RASA3: variants seen among roughly 807,000 people sequenced by gnomAD.
The protein encoded by RASA3 is ras GTPase-activating protein 3.
RASA3 carries 73 observed loss-of-function variants against 110.0 expected under a neutral mutation model. That is an observed-to-expected ratio of 0.66 (90% CI 0.55 to 0.81). The LOEUF is 0.81. Ranked by LOEUF, RASA3 falls within the 30% of genes least tolerant of loss-of-function variation. The probability of loss-of-function intolerance (pLI) is 0.00; values close to 1 mark genes in which losing one functional copy is unlikely to be tolerated. For missense variants in RASA3, 976 were observed against 1,113.2 expected, an observed-to-expected ratio of 0.88 and a Z score of 1.75; for synonymous variants, 500 against 451.4, an observed-to-expected ratio of 1.11 and a Z score of -1.37.
chr13:114,077,278 C>T (rs1021161161), intron 1 of RASA3, among the ~76,000 whole-genome samples: 9 of 152,192 alleles, frequency 5.9e-5, no homozygotes, highest in Admixed American at 5.9e-4. Flanking sequence ...GCCAACACAC[C>T]AGATTCATCC....
At position 114,112,571 on chromosome 13, in the gene RASA3, C is replaced by T. The variant is rs557667443; in HGVS notation, c.55+19864G>A. ...GCCTCGAGCACTTCACACGCGTGCC[C>T]GGGGATGCTGGTGCTGCAGGTATGG... is the stretch of plus-strand genomic sequence containing the variant. On this transcript the variant is annotated intron_variant, in intron 1 of 23. Transcript: ENST00000334062. The surrounding 1 kb of genome is among the most constrained non-coding windows in gnomAD (Gnocchi z 4.8). 3.3e-5 allele frequency among the ~76,000 whole-genome samples: 5 copies of T among 152,206 alleles called. No individual in the cohort carries two copies. Among genetic ancestry groups the T allele is most frequent in the African/African-American group, 7.2e-5 (3 of 41,548 alleles).
Position 113,979,371 on chromosome 13 carries a change from G to C in RASA3, c.2481C>G (p.Ser827=). ...TTTAAATGGAATGAGTGGAGGTCTC[G>C]GACTGCTGCCGGATGTAGTTCTGGA... is the stretch of plus-strand genomic sequence containing the variant. ...KSFQNYIRQQ[S]ETSTHSI Residue 827 remains serine (S), a synonymous_variant, in exon 24 of 24, where the codon TCC becomes TCG. Transcript: ENST00000334062. The C allele has an allele frequency of 6.2e-7, 1 of 1,606,642 alleles. No individual in the cohort carries two copies.
rs547625640 is a variant in RASA3, at chr13:114,117,994, G to A, written c.55+14441C>T. 2.6e-5 allele frequency among the ~76,000 whole-genome samples: 4 copies of A among 152,014 alleles called. No homozygotes were observed. The East Asian group carries it at 7.7e-4, about 29-fold the overall frequency. ...GCACCTGTGTGCACATGTGGATGTT[G>A]CCGTGTGCACGTGTGCACACCAAGT... On this transcript the variant is annotated intron_variant, in intron 1 of 23. Transcript: ENST00000334062.
intron 2 of RASA3, among the ~76,000 whole-genome samples, chr13:114,054,321 C>T (rs2079200829): frequency 6.6e-6 from 1 of 152,094 alleles, no homozygotes; most frequent in African/African-American, 2.4e-5. Context: ...GACAAATGGC[C>T]AACAATGTAT....
rs528249597 is a variant in RASA3 at position 114,083,183 on chromosome 13, G to A, written c.56-9346C>T. Among the ~76,000 whole-genome samples the A allele has an allele frequency of 6.6e-5, 10 of 152,382 alleles. 1 individual carries two copies. Among genetic ancestry groups the A allele is most frequent in the Middle Eastern group, 3.4e-3 (1 of 294 alleles). On this transcript the variant is annotated intron_variant, in intron 1 of 23. Transcript: ENST00000334062. Reference sequence around the variant, plus strand: ...CACAAGCAACTTTGTTGAATCAGGTGAAGTTTTAAATGCCAGAAAAACATT... The same window carrying A: ...CACAAGCAACTTTGTTGAATCAGGTAAAGTTTTAAATGCCAGAAAAACATT...
At chr13:114,013,520 T>C (rs1204689458) in intron 14 of RASA3, among the ~76,000 whole-genome samples, 5 of 148,238 alleles carry the variant, frequency 3.4e-5, no homozygotes, top group African/African-American at 1.3e-4. Context: ...TTTGTCTCTC[T>C]CTCATCTCTC....
chr13:114,124,825 A>G (rs1294780525), intron 1 of RASA3, among the ~76,000 whole-genome samples: 3 of 152,230 alleles, frequency 2.0e-5, no homozygotes, highest in African/African-American at 4.8e-5. Flanking sequence ...CACAGCCGAC[A>G]CTGTTCTTGC....
At chr13:114,010,958 C>T (rs1279163053) in intron 16 of RASA3, among the ~76,000 whole-genome samples, 3 of 151,272 alleles carry the variant, frequency 2.0e-5, no homozygotes, top group South Asian at 2.1e-4. Flanking sequence ...CACAGGCTCC[C>T]GAAAAAGGCA....
intron 2 of RASA3, among the ~76,000 whole-genome samples, chr13:114,071,178 T>C (rs12873177): frequency 0.46 from 70,684 of 152,126 alleles, 16,529 homozygotes; most frequent in East Asian, 0.56. Flanking sequence ...AGTGCAGTGA[T>C]GTAATCATGG....
intron 1 of RASA3, among the ~76,000 whole-genome samples, chr13:114,119,903 CCCT>C (rs1159165397): frequency 5.1e-5 from 3 of 59,322 alleles, no homozygotes; most frequent in African/African-American, 6.0e-5. Context: ...ATCAGGGCCC[CCCT>C]CCCCTCTCCA....
intron 1 of RASA3, among the ~76,000 whole-genome samples, chr13:114,127,781 T>C (rs1357609998): frequency 6.6e-6 from 1 of 152,016 alleles, no homozygotes; most frequent in Non-Finnish European, 1.5e-5. Context: ...CAATACTAAG[T>C]GGTGAGGAGA....
intron 1 of RASA3, among the ~76,000 whole-genome samples, chr13:114,079,529 T>C (rs2079747239): frequency 6.6e-6 from 1 of 152,178 alleles, no homozygotes; most frequent in South Asian, 2.1e-4. Context: ...ACCGGAACAA[T>C]AGTCTTGTGA....
chr13:114,013,480 C>T (rs1037292679), intron 14 of RASA3, among the ~76,000 whole-genome samples: 8 of 136,488 alleles, frequency 5.9e-5, no homozygotes, highest in South Asian at 2.5e-4. Context: ...TGTCTCTCTC[C>T]GTATCTCTGT....
chr13:114,025,119 C>T (rs2054003854), intron 7 of RASA3, among the ~76,000 whole-genome samples: 1 of 152,244 alleles, frequency 6.6e-6, no homozygotes, highest in Non-Finnish European at 1.5e-5. Context: ...GCCCGGCCTC[C>T]CTCCCTGCCC....
At chr13:114,025,178 C>T (rs1225793128) in intron 7 of RASA3, among the ~76,000 whole-genome samples, 1 of 152,234 alleles carries the variant, frequency 6.6e-6, no homozygotes, top group South Asian at 2.1e-4. Context: ...GCTCTCAGCT[C>T]GAAGTTCTGA....
At chr13:114,034,498 T>C (rs2054243580) in intron 4 of RASA3, among the ~76,000 whole-genome samples, 1 of 152,198 alleles carries the variant, frequency 6.6e-6, no homozygotes, top group Non-Finnish European at 1.5e-5. Flanking sequence ...CAGGGGCACC[T>C]GGCTGGTCAC....
chr13:114,039,591 C>T (rs2054354447), intron 4 of RASA3, among the ~76,000 whole-genome samples: 1 of 152,246 alleles, frequency 6.6e-6, no homozygotes, highest in Non-Finnish European at 1.5e-5. Flanking sequence ...GTGCCTCTTG[C>T]TTGTGGCCTT....
chr13:114,015,220 T>C lies in RASA3; in HGVS notation c.1394A>G (p.Lys465Arg), dbSNP rs2053761304. The change falls in exon 14 of 24, where the codon AAG becomes AGG. Residue 465 changes from lysine to arginine, a missense_variant. Transcript: ENST00000334062. ...TTCAGGGCACTCACCCTGGAAGCGCTTGGCCGCCGCCTCCCGGAGGGAGAA... is the reference window on the plus strand; with the variant it reads ...TTCAGGGCACTCACCCTGGAAGCGCCTGGCCGCCGCCTCCCGGAGGGAGAA... Reference protein sequence around the residue: ...IFFSLREAAAKRFQDDPDVRY... With the variant: ...IFFSLREAAARRFQDDPDVRY... The C allele has an allele frequency of 6.2e-7, 1 of 1,612,914 alleles. No homozygotes were observed. The highest frequency in any genetic ancestry group is 1.1e-5 in the South Asian group (1 of 91,084).
At chr13:114,044,676 G>C (rs2079023639) in intron 3 of RASA3, among the ~76,000 whole-genome samples, 1 of 148,176 alleles carries the variant, frequency 6.7e-6, no homozygotes, top group Non-Finnish European at 1.5e-5. Flanking sequence ...CCTCAGTTTT[G>C]AGTCTCACAG....
Sources: allele counts gnomAD v4.1 joint callset (sites outside exome capture counted in the v4.1 genomes callset), GRCh38; gene constraint gnomAD v4.1.1; non-coding constraint Gnocchi (gnomAD v3.1); transcripts MANE v1.5; gene names NCBI Gene and HGNC (gene_info 2026-07-23, HGNC 2026-07-21).